NME5: variants seen among roughly 807,000 people sequenced by gnomAD.
The protein encoded by NME5 is NME/NM23 family member 5.
Under a neutral mutation model 21.6 loss-of-function variants are expected in NME5, and 18 were observed. The observed-to-expected ratio is 0.83, with a 90% CI of 0.58 to 1.24. The LOEUF (loss-of-function observed/expected upper bound fraction) is 1.24. Among genes scored for constraint, NME5 ranks in the 50% most tolerant of loss-of-function variants. The probability of loss-of-function intolerance (pLI) is 0.00; values close to 1 mark genes in which losing one functional copy is unlikely to be tolerated. For missense variants in NME5, 223 were observed against 255.4 expected (o/e 0.87, Z 0.86); for synonymous variants, 70 against 80.6 (o/e 0.87, Z 0.71).
At chr5:138,115,807 A>C in intron 5 of NME5, 43 bp from the exon 6 acceptor site, 1 of 1,375,616 alleles carries the variant, frequency 7.3e-7, no homozygotes, top group East Asian at 2.3e-5. Context: ...AAACAGTTAC[A>C]TATTTCCTTT....
At position 138,129,284 on chromosome 5, in the gene NME5, G is replaced by A. The variant is rs540788174; in HGVS notation, c.314C>T (p.Ala105Val). The A allele has an allele frequency of 6.8e-6, 11 of 1,612,154 alleles. No homozygotes were observed. In the Admixed American group the frequency reaches 1.0e-4, roughly 15 times the overall value. ...TTACCTGTCTGGATGTGTCTCCTTC[G>A]CTACTAAGCTATTATTTGGTCCCAA... ...ELLGPNNSLV[A>V]KETHPDSLRA... is the part of the protein sequence containing the mutation. Residue 105 changes from alanine (A) to valine (V), a missense_variant, in exon 3 of 6, where the codon GCG (alanine) becomes GTG (valine). Ala to Val is a moderately conservative substitution (Grantham distance 64). Transcript: ENST00000265191.
chr5:138,137,605 C>CGCCCCCGGCCAGAGTAAA (rs1162177520), intron 2 of NME5, among the ~76,000 whole-genome samples: 4 of 150,956 alleles, frequency 2.6e-5, no homozygotes, highest in African/African-American at 9.7e-5. Flanking sequence ...CGTGAGCCAC[C>CGCCCCCGGCCAGAGTAAA]GTACCCGCCA....
intron 2 of NME5, among the ~76,000 whole-genome samples, chr5:138,137,504 G>C (rs1751725737): frequency 1.3e-5 from 2 of 151,512 alleles, no homozygotes; most frequent in South Asian, 4.2e-4. Flanking sequence ...TTTTCATAGA[G>C]ATGGGGTTTC....
rs1392711385 is a variant in NME5 at position 138,128,465 on chromosome 5, C to T, written c.436+14G>A. On this transcript the variant is annotated intron_variant, in intron 4 of 5. Transcript: ENST00000265191. ...AAGGAGATGCAGTTGACAAGTTAGT[C>T]ATCTGTAACTCACCTTCAGGAAACA... 2.5e-6 allele frequency: 4 copies of T among 1,590,544 alleles called. No individual in the cohort carries two copies. The highest frequency in any genetic ancestry group is 1.3e-5 in the African/African-American group (1 of 74,290).
chr5:138,124,452 C>G (rs1172212418), intron 4 of NME5, among the ~76,000 whole-genome samples: 10 of 152,092 alleles, frequency 6.6e-5, no homozygotes, highest in Non-Finnish European at 1.5e-4. Context: ...TAGACATTAA[C>G]CCCTTATCAG....
chr5:138,118,272 C>CATG (rs1751207244), intron 5 of NME5, among the ~76,000 whole-genome samples: 1 of 150,316 alleles, frequency 6.7e-6, no homozygotes. Context: ...ACTACAGGCA[C>CATG]CCACCACCAC....
intron 4 of NME5, chr5:138,123,048 C>G (rs1021445809): frequency 3.3e-5 from 5 of 152,058 alleles, no homozygotes; most frequent in African/African-American, 1.2e-4. Context: ...GTCATCCTTG[C>G]ATAGGGGCCA....
At chr5:138,126,403 C>G (rs1338701425) in intron 4 of NME5, among the ~76,000 whole-genome samples, 1 of 149,266 alleles carries the variant, frequency 6.7e-6, no homozygotes, top group Non-Finnish European at 1.5e-5. Flanking sequence ...TCCACCTACT[C>G]CAAAGGCTGA....
At chr5:138,120,828 T>A (rs1464199802) in intron 4 of NME5, among the ~76,000 whole-genome samples, 1 of 152,166 alleles carries the variant, frequency 6.6e-6, no homozygotes, top group Non-Finnish European at 1.5e-5. Flanking sequence ...TTTCCTCAAT[T>A]TACATGGGTT....
rs183079924 is a variant in NME5 at position 138,128,652 on chromosome 5, T to G, written c.336-73A>C. On this transcript the variant is annotated intron_variant, in intron 3 of 5. Transcript: ENST00000265191. ...TTACTTTATATGCATGCATTCCACT[T>G]AAGAATTTTACAAAAGCATTGCCAC... The G allele has an allele frequency of 2.1e-5, 20 of 970,238 alleles. No individual in the cohort carries two copies. The East Asian group carries it at 4.9e-4, about 24-fold the overall frequency. 60.1% of individuals were successfully genotyped at this position (970,238 alleles called of 1,614,324 possible).
chr5:138,115,862 C>T (rs1684637075), intron 5 of NME5, 98 bp from the exon 6 acceptor site: 1 of 734,602 alleles, frequency 1.4e-6, no homozygotes, highest in Non-Finnish European at 2.1e-6. Flanking sequence ...TTTTCAAAAT[C>T]ACTTTAAGAA....
At chr5:138,129,200 T>A in intron 3 of NME5, 63 bp downstream of exon 3, 1 of 1,303,724 alleles carries the variant, frequency 7.7e-7, no homozygotes, top group Non-Finnish European at 1.1e-6. Flanking sequence ...GAAATCAGAT[T>A]TTTTTTTTTC....
chr5:138,129,337 A>T lies in NME5; in HGVS notation c.261T>A (p.His87Gln), dbSNP rs1390498153. 1.7e-5 allele frequency: 27 copies of T among 1,613,904 alleles called. No homozygotes were observed. The highest frequency in any genetic ancestry group is 2.3e-5 in the Non-Finnish European group (27 of 1,179,956). ...GPLVAMILARHKAISYWLELL... is the reference protein window; with the variant it reads ...GPLVAMILARQKAISYWLELL... ...GTTCTAACCAATAAGAGATGGCTTT[A>T]TGTCTAGCTAATATCATGGCGACAA... is the stretch of plus-strand genomic sequence containing the variant. Residue 87 changes from histidine (H) to glutamine (Q), a missense_variant, in exon 3 of 6, where the codon CAT (histidine) becomes CAA (glutamine). His to Gln is a conservative substitution (Grantham distance 24). Transcript: ENST00000265191.
Position 138,115,780 on chromosome 5 carries a change from A to AG in NME5, c.556-17_556-16insC. On this transcript the variant is annotated splice_polypyrimidine_tract_variant and intron_variant, in intron 5 of 5. Coordinates refer to ENST00000265191, the MANE Select transcript of NME5 (RefSeq NM_003551.3). ...CTAGCCAAATCTATGGGAAAAAAAAAAACAACCTAAGTTAAGAAACAGTTA... is the reference window on the plus strand; with the variant it reads ...CTAGCCAAATCTATGGGAAAAAAAAAGAACAACCTAAGTTAAGAAACAGTTA... The AG allele has an allele frequency of 6.5e-7, 1 of 1,543,868 alleles. No individual in the cohort carries two copies. Among genetic ancestry groups the AG allele is most frequent in the Non-Finnish European group, 8.7e-7 (1 of 1,146,530 alleles).
chr5:138,130,089 G>A (rs1249924605), intron 2 of NME5, among the ~76,000 whole-genome samples: 1 of 152,108 alleles, frequency 6.6e-6, no homozygotes, highest in Non-Finnish European at 1.5e-5. Context: ...TTCTCTATTT[G>A]TGTTACTATT....
At chr5:138,122,517 T>A (rs1445051083) in intron 4 of NME5, among the ~76,000 whole-genome samples, 1 of 151,346 alleles carries the variant, frequency 6.6e-6, no homozygotes, top group Non-Finnish European at 1.5e-5. Flanking sequence ...GAATGGAATT[T>A]TCCTTTTTAC....
chr5:138,115,607 A>T lies in NME5; in HGVS notation c.*74T>A, dbSNP rs1305890354. On this transcript the variant is annotated 3_prime_UTR_variant, in exon 6 of 6. Transcript: ENST00000265191. ...TGTAGTTACTTAAACCCTAGAAATA[A>T]TTTTTTCAAACAGTAGAAGTACAGC... 8 of 866,122 alleles carry T rather than the reference A, an allele frequency of 9.2e-6. No homozygotes were observed. The highest frequency in any genetic ancestry group is 1.4e-5 in the Non-Finnish European group (8 of 576,186). The allele number at this position is 866,122 out of a possible 1,614,324, so 53.7% of individuals were successfully genotyped here. A position where few individuals can be genotyped will look rare whatever the true frequency, so the allele number is the denominator to read the frequency against.
chr5:138,128,769 G>A, intron 3 of NME5, 190 bp from the exon 4 acceptor site: 1 of 472,286 alleles, frequency 2.1e-6, no homozygotes, highest in East Asian at 3.5e-5. Flanking sequence ...ATTTACGTCT[G>A]CAGGAGGAAT....
In NME5 at chr5:138,139,367, T is replaced by G. The variant is rs17637720; in HGVS notation, c.-6+4A>C. The stretch of plus-strand genomic sequence containing the variant: ...TCTGAATTTGACCCTCTCTAAGTAC[T>G]CACCTCAGCGGCCGTCCTCATATGG... On this transcript the variant is annotated splice_donor_region_variant and intron_variant, in intron 1 of 5. Coordinates refer to ENST00000265191, the MANE Select transcript of NME5 (RefSeq NM_003551.3). The G allele has an allele frequency of 0.021, 20,432 of 985,674 alleles. 241 individuals carry two copies. The highest frequency in any genetic ancestry group is 0.023 in the Non-Finnish European group (18,715 of 830,196). 61.1% of individuals were successfully genotyped at this position (985,674 alleles called of 1,614,324 possible).
Sources: allele counts gnomAD v4.1 joint callset (sites outside exome capture counted in the v4.1 genomes callset), GRCh38; gene constraint gnomAD v4.1.1; transcripts MANE v1.5; gene names NCBI Gene and HGNC (gene_info 2026-07-23, HGNC 2026-07-21).